Variants in INTS4 observed in about 807,000 individuals in gnomAD.
INTS4 encodes MSTP093.
INTS4 carries 70 observed loss-of-function variants against 119.5 expected under a neutral mutation model. The ratio of observed to expected loss-of-function variants is 0.59; its 90% confidence interval spans 0.48 to 0.71. The LOEUF is 0.71. Among genes scored for constraint, INTS4 ranks in the 30% least tolerant of loss-of-function variants. INTS4 has a pLI of 0.00. For synonymous variants in INTS4, 316 were observed against 419.6 expected, an observed-to-expected ratio of 0.75 and a Z score of 3.02; for missense variants, 867 against 1,173.2, an observed-to-expected ratio of 0.74 and a Z score of 3.81.
intron 19 of INTS4, among the ~76,000 whole-genome samples, chr11:77,892,238 T>C (rs200435055): frequency 6.6e-6 from 1 of 152,306 alleles, no homozygotes; most frequent in East Asian, 1.9e-4. Flanking sequence ...AAAAAAACGA[T>C]TGCTTCAATG....
At chr11:77,942,124 G>C (rs1479987507) in intron 8 of INTS4, among the ~76,000 whole-genome samples, 2 of 151,758 alleles carry the variant, frequency 1.3e-5, no homozygotes, top group Non-Finnish European at 2.9e-5. Context: ...CAGTTACCAG[G>C]AACAAGAATA....
chr11:77,906,456 G>C (rs1282194907), intron 16 of INTS4, among the ~76,000 whole-genome samples: 1 of 152,008 alleles, frequency 6.6e-6, no homozygotes, highest in African/African-American at 2.4e-5. Flanking sequence ...CCCATATTTT[G>C]CTACTATAGA....
intron 10 of INTS4, among the ~76,000 whole-genome samples, chr11:77,931,726 T>C (rs1301895030): frequency 6.6e-6 from 1 of 152,160 alleles, no homozygotes; most frequent in Non-Finnish European, 1.5e-5. Context: ...AGCATAGTAC[T>C]GGTACCAAAA....
downstream of INTS4, among the ~76,000 whole-genome samples, chr11:77,874,461 G>GT (rs1951544878): frequency 6.6e-6 from 1 of 151,564 alleles, no homozygotes; most frequent in South Asian, 2.1e-4. Flanking sequence ...TCCTAAGTGA[G>GT]TTGTCTCCAA....
chr11:77,925,045 T>G (rs894653358), intron 11 of INTS4, among the ~76,000 whole-genome samples, 153 bp from the exon 12 acceptor site: 3 of 152,210 alleles, frequency 2.0e-5, no homozygotes, highest in Non-Finnish European at 4.4e-5. Flanking sequence ...CTGAAATATC[T>G]TTCATTTTAT....
chr11:77,952,933 C>G (rs540057008), intron 8 of INTS4, among the ~76,000 whole-genome samples: 1 of 152,210 alleles, frequency 6.6e-6, no homozygotes, highest in Admixed American at 6.5e-5. Flanking sequence ...TCTGTAAATG[C>G]CGAATGAAAG....
chr11:77,891,571 T>C, intron 20 of INTS4, 109 bp from the exon 21 acceptor site: 3 of 1,566,892 alleles, frequency 1.9e-6, no homozygotes, highest in Non-Finnish European at 2.6e-6. Flanking sequence ...TGGGAGCCAC[T>C]CAGAGGAACA....
chr11:77,911,095 G>A (rs1953079620), intron 15 of INTS4: 9 of 1,285,092 alleles, frequency 7.0e-6, no homozygotes, highest in East Asian at 5.6e-5. Context: ...TGCTCGGCAG[G>A]TAACGTTACG....
intron 17 of INTS4, among the ~76,000 whole-genome samples, chr11:77,901,976 G>C (rs1177137327): frequency 6.6e-6 from 1 of 152,134 alleles, no homozygotes; most frequent in South Asian, 2.1e-4. Flanking sequence ...CTGACAGACT[G>C]TTCCATGGGC....
At chr11:77,948,834 C>T (rs1475433034) in intron 8 of INTS4, among the ~76,000 whole-genome samples, 2 of 147,918 alleles carry the variant, frequency 1.4e-5, no homozygotes, top group African/African-American at 5.0e-5. Flanking sequence ...GATTAAAACA[C>T]AAAATCTAAG....
intron 21 of INTS4, among the ~76,000 whole-genome samples, chr11:77,884,388 T>C (rs1363749443): frequency 2.0e-5 from 3 of 152,126 alleles, no homozygotes; most frequent in Non-Finnish European, 4.4e-5. Flanking sequence ...AAGTCATTTA[T>C]CTCTCTCTCT....
chr11:77,949,074 G>A (rs1037789807), intron 8 of INTS4, among the ~76,000 whole-genome samples: 6 of 151,546 alleles, frequency 4.0e-5, no homozygotes, highest in South Asian at 2.1e-4. Context: ...GTGCAATCGC[G>A]GAACCGCACT....
intron 21 of INTS4, among the ~76,000 whole-genome samples, chr11:77,884,483 A>G (rs1951916361): frequency 1.3e-5 from 2 of 152,204 alleles, no homozygotes; most frequent in Non-Finnish European, 1.5e-5. Flanking sequence ...TTCTTTCCTC[A>G]GCATCCTGGG....
intron 11 of INTS4, among the ~76,000 whole-genome samples, chr11:77,927,177 G>C (rs917172867): frequency 2.0e-5 from 3 of 152,168 alleles, no homozygotes; most frequent in Non-Finnish European, 4.4e-5. Context: ...TCAAGGTGAG[G>C]AATGGTGGAA....
At chr11:77,881,120 G>C (rs1464218217) in intron 22 of INTS4, among the ~76,000 whole-genome samples, 1 of 152,192 alleles carries the variant, frequency 6.6e-6, no homozygotes, top group Non-Finnish European at 1.5e-5. Flanking sequence ...GAACTTGGGA[G>C]AAGGAGACAA....
intron 4 of INTS4, chr11:77,963,577 AATTTTGCTAT>A: frequency 2.9e-6 from 1 of 344,554 alleles, no homozygotes; most frequent in Non-Finnish European, 5.6e-6. Context: ...ATTAATTTAC[AATTTTGCTAT>A]ATATTAAAAA....
chr11:77,953,206 T>G (rs543234443), intron 8 of INTS4, among the ~76,000 whole-genome samples: 5 of 152,290 alleles, frequency 3.3e-5, no homozygotes, highest in African/African-American at 1.2e-4. Context: ...AAACAAAGCA[T>G]TCAGCCAACA....
chr11:77,877,097 C>T (rs1483822702), downstream of INTS4: 7 of 700,028 alleles, frequency 1.0e-5, no homozygotes, highest in East Asian at 2.7e-5. Flanking sequence ...CATTCTTCCC[C>T]TAGTCCCTCT....
intron 12 of INTS4, among the ~76,000 whole-genome samples, chr11:77,923,405 C>A (rs1397702894): frequency 6.6e-6 from 1 of 150,424 alleles, no homozygotes; most frequent in Non-Finnish European, 1.5e-5. Context: ...CTGAAACCAA[C>A]CTTCTGACCA....
Sources: allele counts gnomAD v4.1 joint callset (sites outside exome capture counted in the v4.1 genomes callset), GRCh38; gene constraint gnomAD v4.1.1; transcripts MANE v1.5; gene names NCBI Gene and HGNC (gene_info 2026-07-23, HGNC 2026-07-21).